Variants in OPTC observed in about 807,000 individuals in gnomAD.
OPTC encodes opticin, also known as oculoglycan.
A neutral mutation model predicts 25.4 loss-of-function variants in OPTC; 22 were observed. The observed-to-expected ratio is 0.87, with a 90% confidence interval of 0.62 to 1.24. The LOEUF is 1.24. Among genes scored for constraint, OPTC ranks in the 50% most tolerant of loss-of-function variants. The pLI, the probability that OPTC is intolerant of heterozygous loss-of-function variation, is 0.00. For synonymous variants in OPTC, 169 were observed against 179.3 expected (o/e 0.94, Z 0.46); for missense variants, 417 against 425.2 (o/e 0.98, Z 0.17).
intron 7 of OPTC, among the ~76,000 whole-genome samples, chr1:203,507,010 G>A (rs1308346860): frequency 6.6e-6 from 1 of 152,246 alleles, no homozygotes; most frequent in Non-Finnish European, 1.5e-5. Flanking sequence ...GGAAGCCCAA[G>A]GAATAGAAAG....
Position 203,506,201 on chromosome 1 carries a change from G to T in OPTC, c.*26-2445G>T, listed in dbSNP as rs188988825. Among the ~76,000 whole-genome samples the T allele has an allele frequency of 2.4e-3, 364 of 150,464 alleles. 1 individual carries two copies. Among genetic ancestry groups the T allele is most frequent in the African/African-American group, 8.3e-3 (339 of 40,892 alleles). On this transcript the variant is annotated intron_variant, in intron 7 of 7. Coordinates refer to ENST00000367222, the MANE Select transcript of OPTC (RefSeq NM_014359.4). ...AGTTTCACTCTTGTTGCCCAGGGGG[G>T]AGTGCAATGGCGTGATCTTGGCTCA...
intron 7 of OPTC, among the ~76,000 whole-genome samples, chr1:203,504,121 C>T (rs1263625957): frequency 6.6e-6 from 1 of 152,162 alleles, no homozygotes; most frequent in East Asian, 1.9e-4. Context: ...CAGTGATGTG[C>T]TGGAGCCAGC....
chr1:203,499,974 C>CCA, intron 5 of OPTC, 123 bp downstream of exon 5: 1 of 804,672 alleles, frequency 1.2e-6, no homozygotes, highest in Non-Finnish European at 2.1e-6. Flanking sequence ...CTACCACCCA[C>CCA]CTCCACCATC....
intron 5 of OPTC, among the ~76,000 whole-genome samples, chr1:203,500,282 T>A (rs1311597265): frequency 1.4e-3 from 11 of 7,936 alleles, no homozygotes; most frequent in Admixed American, 5.3e-3. Context: ...CACCTCCACC[T>A]CCACCACCCA....
chr1:203,497,418 G>A (rs887705291), intron 3 of OPTC, among the ~76,000 whole-genome samples: 11 of 152,304 alleles, frequency 7.2e-5, no homozygotes, highest in Admixed American at 6.5e-4. Context: ...ATAGCATGAC[G>A]GGGGAAGCAG....
rs939843976 is a variant in OPTC at position 203,508,920 on chromosome 1, T to A, written c.*300T>A. The stretch of plus-strand genomic sequence containing the variant: ...GCCCTTCCAGATATGGCCAAACCCA[T>A]GGCCTGGATGGGCTTGTGTACTTCC... On this transcript the variant is annotated 3_prime_UTR_variant, in exon 8 of 8. Coordinates refer to ENST00000367222, the MANE Select transcript of OPTC (RefSeq NM_014359.4). 1 of 152,224 alleles carries A rather than the reference T, an allele frequency of 6.6e-6. No individual in the cohort carries two copies. Among genetic ancestry groups the A allele is most frequent in the Admixed American group, 6.5e-5 (1 of 15,288 alleles). The allele number at this position is 152,224 out of a possible 1,614,324, so 9.4% of individuals were successfully genotyped here. A position where few individuals can be genotyped will look rare whatever the true frequency, so the allele number is the denominator to read the frequency against.
rs1661274866 is a variant in OPTC, at chr1:203,496,112, G to C, written c.107G>C (p.Arg36Thr). 1 of 1,614,108 alleles carries C rather than the reference G, an allele frequency of 6.2e-7. No individual in the cohort carries two copies. The highest frequency in any genetic ancestry group is 8.5e-7 in the Non-Finnish European group (1 of 1,179,990). Residue 36 changes from arginine (R) to threonine (T), a missense_variant, in exon 2 of 8, where the codon AGG (arginine) becomes ACG (threonine). Arg to Thr is a moderately conservative substitution (Grantham distance 71). Coordinates refer to ENST00000367222, the MANE Select transcript of OPTC (RefSeq NM_014359.4). ...AAGAGGAGAGAGGAGCAGATGCCCAGGGAAGGCGATTCCTTTGAAGTTCTG... is the reference window on the plus strand; with the variant it reads ...AAGAGGAGAGAGGAGCAGATGCCCACGGAAGGCGATTCCTTTGAAGTTCTG... ...ERKRREEQMP[R>T]EGDSFEVLPL...
intron 7 of OPTC, among the ~76,000 whole-genome samples, chr1:203,505,637 C>A (rs1443276313): frequency 6.6e-6 from 1 of 152,206 alleles, no homozygotes; most frequent in Non-Finnish European, 1.5e-5. Context: ...CAATCACTGA[C>A]CCCAGTTCAC....
chr1:203,508,612 C>T (rs1218454935), intron 7 of OPTC, 34 bp from the exon 8 acceptor site: 1 of 150,272 alleles, frequency 6.7e-6, no homozygotes, highest in Non-Finnish European at 1.5e-5. Flanking sequence ...CCACACTAGA[C>T]ACCAGCTCAA....
chr1:203,502,811 T>G, intron 5 of OPTC, 103 bp from the exon 6 acceptor site: 1 of 894,420 alleles, frequency 1.1e-6, no homozygotes, highest in Non-Finnish European at 1.8e-6. Context: ...AAGTGAGCCC[T>G]GAGTGAACAA....
rs571336303 is a variant in OPTC, at chr1:203,508,112, C to G, written c.*26-534C>G. On this transcript the variant is annotated intron_variant, in intron 7 of 7. Transcript: ENST00000367222. ...AGAAAGATGACTTAACATAAACAAT[C>G]TATAACAGAAAAAGAAAGATGGGCA... is the stretch of plus-strand genomic sequence containing the variant. Among the ~76,000 whole-genome samples, 3 of 152,334 alleles carry G rather than the reference C, an allele frequency of 2.0e-5. No individual in the cohort carries two copies. In the East Asian group the frequency reaches 5.8e-4, roughly 29 times the overall value.
chr1:203,503,843 C>T, intron 7 of OPTC, 98 bp downstream of exon 7: 1 of 992,520 alleles, frequency 1.0e-6, no homozygotes, highest in South Asian at 1.3e-5. Flanking sequence ...CATTAATCAA[C>T]CTCTCGATCC....
In OPTC at chr1:203,496,957, A is replaced by C. The variant is rs990831793; in HGVS notation, c.232-20A>C. The C allele has an allele frequency of 5.7e-5, 92 of 1,613,670 alleles. No individual in the cohort carries two copies. Among genetic ancestry groups the C allele is most frequent in the Non-Finnish European group, 7.6e-5 (90 of 1,179,940 alleles). On this transcript the variant is annotated intron_variant, in intron 2 of 7. Transcript: ENST00000367222. ...TTGTGCAAAAGCTGGGCTACTGTGTACTCTGTGCTACATCTCCAGGTTAAG... is the reference window on the plus strand; with the variant it reads ...TTGTGCAAAAGCTGGGCTACTGTGTCCTCTGTGCTACATCTCCAGGTTAAG...
intron 7 of OPTC, among the ~76,000 whole-genome samples, chr1:203,507,000 G>A (rs1321780123): frequency 6.6e-6 from 1 of 152,254 alleles, no homozygotes; most frequent in Non-Finnish European, 1.5e-5. Context: ...TTTTGGCTAG[G>A]GAAGCCCAAG....
intron 7 of OPTC, among the ~76,000 whole-genome samples, chr1:203,506,925 G>T (rs560210008): frequency 6.6e-6 from 1 of 152,350 alleles, no homozygotes; most frequent in African/African-American, 2.4e-5. Flanking sequence ...CCAGGCCATT[G>T]CTGCTCCGGG....
intron 7 of OPTC, among the ~76,000 whole-genome samples, chr1:203,505,478 G>T (rs1315914195): frequency 6.6e-6 from 1 of 152,232 alleles, no homozygotes. Context: ...GGAGGGACAG[G>T]TGTTTCTTGT....
intron 7 of OPTC, among the ~76,000 whole-genome samples, chr1:203,504,725 C>G (rs1177305605): frequency 1.3e-5 from 2 of 152,208 alleles, no homozygotes; most frequent in Non-Finnish European, 2.9e-5. Flanking sequence ...CCCAGATGCG[C>G]TTCTTGTAGC....
chr1:203,499,593 C>A, intron 4 of OPTC, 56 bp from the exon 5 acceptor site: 3 of 1,466,508 alleles, frequency 2.0e-6, no homozygotes, highest in Non-Finnish European at 2.9e-6. Flanking sequence ...CCAACCTGGA[C>A]AAGGAAAGAT....
At position 203,497,012 on chromosome 1, in the gene OPTC, C is replaced by T. The variant is rs780224108; in HGVS notation, c.267C>T (p.Ile89=). Residue 89 remains isoleucine, a synonymous_variant, in exon 3 of 8, where the codon ATC becomes ATT. Transcript: ENST00000367222. ...CTAGCCTCGCTCCTGCAACCAGCAT[C>T]AGTCCCGCCAAGAGCACTACGGCTC... ...KVTSLAPATS[I]SPAKSTTAPG... The T allele has an allele frequency of 6.2e-7, 1 of 1,614,122 alleles. No individual in the cohort carries two copies. Among genetic ancestry groups the T allele is most frequent in the East Asian group, 2.2e-5 (1 of 44,882 alleles).
Sources: gnomAD v4.1 joint callset for allele counts (sites outside exome capture counted in the v4.1 genomes callset) on GRCh38, gnomAD v4.1.1 for gene constraint, MANE v1.5 for transcripts, NCBI Gene and HGNC (gene_info 2026-07-23, HGNC 2026-07-21) for gene names.